The following HS6ST3 variants were observed in gnomAD, a reference collection of about 807,000 sequenced individuals.
The protein encoded by HS6ST3 is heparan sulfate 6-O-sulfotransferase 3.
Under a neutral mutation model 36.7 loss-of-function variants are expected in HS6ST3, and 12 were observed. That is an observed-to-expected ratio of 0.33 (90% CI 0.21 to 0.53). The LOEUF (loss-of-function observed/expected upper bound fraction) is 0.53. HS6ST3 is among the 20% of genes least tolerant of loss of function. The probability of loss-of-function intolerance (pLI) is 0.95; values close to 1 mark genes in which losing one functional copy is unlikely to be tolerated. For synonymous variants in HS6ST3, 240 were observed against 257.5 expected (o/e 0.93, Z 0.65); for missense variants, 584 against 640.9 (o/e 0.91, Z 0.96).
At chr13:96,341,303 C>CGTATTTCTATTGGGAGGGGCTT (rs1237493312) in intron 1 of HS6ST3, among the ~76,000 whole-genome samples, 1 of 152,090 alleles carries the variant, frequency 6.6e-6, no homozygotes, top group African/African-American at 2.4e-5. Flanking sequence ...GGGAGGGGCT[C>CGTATTTCTATTGGGAGGGGCTT]GTATTTCATT....
intron 1 of HS6ST3, among the ~76,000 whole-genome samples, chr13:96,108,306 G>A (rs984991410): frequency 2.6e-4 from 40 of 152,296 alleles, no homozygotes; most frequent in African/African-American, 9.4e-4. Flanking sequence ...TTCCAGCCTG[G>A]CGAATTCTAG....
chr13:96,242,757 C>T (rs1023584773), intron 1 of HS6ST3, among the ~76,000 whole-genome samples: 4 of 152,152 alleles, frequency 2.6e-5, no homozygotes, highest in African/African-American at 9.7e-5. Context: ...CAATGGAAAG[C>T]AGTATAGTGA....
chr13:96,411,379 A>G (rs1050518653), intron 1 of HS6ST3, among the ~76,000 whole-genome samples: 2 of 152,222 alleles, frequency 1.3e-5, no homozygotes, highest in African/African-American at 2.4e-5. Flanking sequence ...TGGGGCTTAC[A>G]TAGGCTGAAA....
chr13:96,538,566 C>A (rs887419709), intron 1 of HS6ST3, among the ~76,000 whole-genome samples: 2 of 152,172 alleles, frequency 1.3e-5, no homozygotes, highest in African/African-American at 4.8e-5. Context: ...GCCTTGGCCT[C>A]CTGAGTAGCT....
At chr13:96,646,065 A>T (rs916822328) in intron 1 of HS6ST3, among the ~76,000 whole-genome samples, 13 of 152,018 alleles carry the variant, frequency 8.6e-5, no homozygotes, top group African/African-American at 3.1e-4. Flanking sequence ...AGAATTTTCA[A>T]GTGTACAAAG....
chr13:96,818,964 G>A (rs1028616390), intron 1 of HS6ST3, among the ~76,000 whole-genome samples: 6 of 152,194 alleles, frequency 3.9e-5, no homozygotes, highest in African/African-American at 1.4e-4. Flanking sequence ...ACAGTGTGTT[G>A]AAACTTCTTA....
At chr13:96,155,965 G>A (rs762865704) in intron 1 of HS6ST3, among the ~76,000 whole-genome samples, 2 of 152,060 alleles carry the variant, frequency 1.3e-5, no homozygotes, top group African/African-American at 4.8e-5. Context: ...ATTTCTTCCC[G>A]CTTGAAACAT....
intron 1 of HS6ST3, among the ~76,000 whole-genome samples, chr13:96,695,891 A>G (rs184536201): frequency 6.6e-6 from 1 of 152,198 alleles, no homozygotes; most frequent in African/African-American, 2.4e-5. Flanking sequence ...GGGTTAAAGA[A>G]TCAGGCCTTC....
At chr13:96,491,962 T>C (rs2055948097) in intron 1 of HS6ST3, among the ~76,000 whole-genome samples, 1 of 152,180 alleles carries the variant, frequency 6.6e-6, no homozygotes, top group Admixed American at 6.5e-5. Context: ...TCAATTCCAC[T>C]ACTTACCCCA....
intron 1 of HS6ST3, among the ~76,000 whole-genome samples, chr13:96,155,868 AC>A (rs1005324830): frequency 1.3e-5 from 2 of 152,210 alleles, no homozygotes; most frequent in Admixed American, 1.3e-4. Context: ...GAGTTATGAA[AC>A]TTTTTTTTAA....
intron 1 of HS6ST3, among the ~76,000 whole-genome samples, chr13:96,749,853 T>C (rs188887507): frequency 1.8e-4 from 28 of 152,274 alleles, no homozygotes; most frequent in Non-Finnish European, 1.5e-5. Flanking sequence ...ATTCTTACAC[T>C]TATTCAAGTC....
chr13:96,413,923 C>A (rs2055520550), intron 1 of HS6ST3, among the ~76,000 whole-genome samples: 1 of 152,176 alleles, frequency 6.6e-6, no homozygotes, highest in Non-Finnish European at 1.5e-5. Context: ...ATTGTTAGCA[C>A]TTAGGTTTCA....
chr13:96,690,391 C>T (rs1456627651), intron 1 of HS6ST3, among the ~76,000 whole-genome samples: 1 of 152,058 alleles, frequency 6.6e-6, no homozygotes, highest in Non-Finnish European at 1.5e-5. Context: ...TTTGAGTTTT[C>T]ATAACAAAAG....
intron 1 of HS6ST3, among the ~76,000 whole-genome samples, chr13:96,366,875 A>G (rs2055265741): frequency 6.6e-6 from 1 of 152,156 alleles, no homozygotes; most frequent in Non-Finnish European, 1.5e-5. Context: ...GTAGTGAATA[A>G]GTCTCGCAAG....
intron 1 of HS6ST3, among the ~76,000 whole-genome samples, chr13:96,589,055 G>GAAAA (rs774694159): frequency 9.7e-5 from 5 of 51,396 alleles, no homozygotes; most frequent in South Asian, 7.0e-4. Context: ...CATCTCAAGA[G>GAAAA]AAAAAAAAAA....
intron 1 of HS6ST3, among the ~76,000 whole-genome samples, chr13:96,696,270 G>C (rs1875125613): frequency 6.6e-6 from 1 of 152,126 alleles, no homozygotes; most frequent in Admixed American, 6.6e-5. Context: ...GCTCTGCCCT[G>C]TGGTCTTGCA....
At chr13:96,120,506 G>A (rs906563914) in intron 1 of HS6ST3, among the ~76,000 whole-genome samples, 2 of 152,080 alleles carry the variant, frequency 1.3e-5, no homozygotes, top group African/African-American at 2.4e-5. Context: ...ATGTATATAC[G>A]TATATTCCTT....
intron 1 of HS6ST3, among the ~76,000 whole-genome samples, chr13:96,201,568 GCT>G (rs1022063322): frequency 1.5e-4 from 23 of 152,198 alleles, no homozygotes; most frequent in African/African-American, 5.5e-4. Context: ...AAGGTATATG[GCT>G]CTAAGAACCA....
At chr13:96,183,107 A>G (rs897778025) in intron 1 of HS6ST3, among the ~76,000 whole-genome samples, 6 of 152,258 alleles carry the variant, frequency 3.9e-5, no homozygotes, top group Non-Finnish European at 5.9e-5. Context: ...GGATAATAAC[A>G]ATCATTTTCA....
Sources: gnomAD v4.1 joint callset for allele counts (sites outside exome capture counted in the v4.1 genomes callset) on GRCh38, gnomAD v4.1.1 for gene constraint, MANE v1.5 for transcripts, NCBI Gene and HGNC (gene_info 2026-07-23, HGNC 2026-07-21) for gene names.